RPS6KA3: variants seen among roughly 807,000 people sequenced by gnomAD.
RPS6KA3 encodes ribosomal protein S6 kinase A3, also known as ribosomal protein S6 kinase alpha-3.
In RPS6KA3, 4 loss-of-function variants were observed where a neutral mutation model predicts 67.2. The observed-to-expected ratio is 0.06, with a 90% CI of 0.03 to 0.14. The LOEUF (loss-of-function observed/expected upper bound fraction) is 0.14. Among genes scored for constraint, RPS6KA3 ranks in the 10% least tolerant of loss-of-function variants. The pLI, the probability that RPS6KA3 is intolerant of heterozygous loss-of-function variation, is 1.00. For synonymous variants in RPS6KA3, 182 were observed against 183.7 expected, an observed-to-expected ratio of 0.99 and a Z score of 0.07; for missense variants, 204 against 559.0, an observed-to-expected ratio of 0.36 and a Z score of 6.40.
At position 20,155,225 on chromosome X, in the gene RPS6KA3, A is replaced by T. The variant is rs999993308; in HGVS notation, c.*173T>A. On this transcript the variant is annotated 3_prime_UTR_variant, in exon 22 of 22. Transcript: ENST00000379565. ...CTCCAGGAAAATCTAACTTGCTAACAATCATTTAAAGCGAGAAGAGAGGAA... is the reference window on the plus strand; with the variant it reads ...CTCCAGGAAAATCTAACTTGCTAACTATCATTTAAAGCGAGAAGAGAGGAA... 20 of 544,515 alleles carry T rather than the reference A, an allele frequency of 3.7e-5. No individual in the cohort carries two copies. The highest frequency in any genetic ancestry group is 4.2e-4 in the Middle Eastern group (1 of 2,378). 44.9% of individuals were successfully genotyped at this position (544,515 alleles called of 1,213,427 possible). A position where few individuals can be genotyped will look rare whatever the true frequency, so the allele number is the denominator to read the frequency against.
rs1170501771 is a variant in RPS6KA3 at position 20,155,223 on chromosome X, A to G, written c.*175T>C. The stretch of plus-strand genomic sequence containing the variant: ...AGCTCCAGGAAAATCTAACTTGCTA[A>G]CAATCATTTAAAGCGAGAAGAGAGG... On this transcript the variant is annotated 3_prime_UTR_variant, in exon 22 of 22. Transcript: ENST00000379565. 1.9e-5 allele frequency: 10 copies of G among 539,394 alleles called. No homozygotes were observed. The highest frequency in any genetic ancestry group is 2.9e-5 in the Non-Finnish European group (9 of 312,693). 44.5% of individuals were successfully genotyped at this position (539,394 alleles called of 1,213,427 possible).
At chrX:20,236,291 C>T (rs985968793) in intron 1 of RPS6KA3, among the ~76,000 whole-genome samples, 2 of 111,680 alleles carry the variant, frequency 1.8e-5, no homozygotes, top group African/African-American at 3.3e-5. Flanking sequence ...TTAAAAACCA[C>T]AAAAACGGAA....
chrX:20,196,561 G>A (rs2068278254), intron 4 of RPS6KA3, among the ~76,000 whole-genome samples: 1 of 111,713 alleles, frequency 9.0e-6, no homozygotes, highest in African/African-American at 3.3e-5. Context: ...TAGGGTGACT[G>A]CAGATATTTA....
intron 1 of RPS6KA3, among the ~76,000 whole-genome samples, chrX:20,236,313 G>A (rs1448719551): frequency 9.0e-6 from 1 of 111,673 alleles, no homozygotes; most frequent in East Asian, 2.8e-4. Flanking sequence ...TCAGGAACAC[G>A]TAGCTTCTTC....
rs997274234 is a variant in RPS6KA3 at position 20,152,859 on chromosome X, A to T, written c.*2539T>A. 2 of 112,047 alleles carry T rather than the reference A, an allele frequency of 1.8e-5. No homozygotes were observed. Among genetic ancestry groups the T allele is most frequent in the Non-Finnish European group, 3.8e-5 (2 of 53,257 alleles). The allele number at this position is 112,047 out of a possible 1,213,427, so 9.2% of individuals were successfully genotyped here. A position where few individuals can be genotyped will look rare whatever the true frequency, so the allele number is the denominator to read the frequency against. On this transcript the variant is annotated 3_prime_UTR_variant, in exon 22 of 22. Transcript: ENST00000379565. Reference sequence around the variant, plus strand: ...ATAAAAGTTGGCATCACATACCAGTAGAGGACTGCCCAAGAAATATGTAGT... The same window carrying T: ...ATAAAAGTTGGCATCACATACCAGTTGAGGACTGCCCAAGAAATATGTAGT...
intron 1 of RPS6KA3, among the ~76,000 whole-genome samples, chrX:20,262,580 A>C (rs1470974071): frequency 8.9e-6 from 1 of 111,923 alleles, no homozygotes; most frequent in African/African-American, 3.2e-5. Context: ...TGCCAAAATA[A>C]AGCAAAGTTT....
chrX:20,248,895 C>CAT (rs61669423), intron 1 of RPS6KA3, among the ~76,000 whole-genome samples: 3,473 of 111,517 alleles, frequency 0.031, 129 homozygotes, highest in African/African-American at 0.1. Context: ...CATTTGATCA[C>CAT]GTGTGGGTCT....
intron 2 of RPS6KA3, among the ~76,000 whole-genome samples, chrX:20,213,822 C>T (rs1214252189): frequency 9.1e-6 from 1 of 110,304 alleles, no homozygotes; most frequent in Non-Finnish European, 1.9e-5. Flanking sequence ...AGTTGAAAGC[C>T]TATAGACAAC....
Position 20,176,296 on chromosome X carries a change from T to C in RPS6KA3, c.1056A>G (p.Glu352=). The change falls in exon 13 of 22, where the codon GAA becomes GAG. Residue 352 remains glutamate, a synonymous_variant. Coordinates refer to ENST00000379565, the MANE Select transcript of RPS6KA3 (RefSeq NM_004586.3). The part of the protein sequence containing the change: ...PPFKPATGRP[E]DTFYFDPEFT... The stretch of plus-strand genomic sequence containing the variant: ...ACTCAGGATCAAAATAGAATGTATC[T>C]TCAGGCCTGCCCGTTGCAGGTTTAA... The C allele has an allele frequency of 8.3e-7, 1 of 1,204,102 alleles. No individual in the cohort carries two copies. The highest frequency in any genetic ancestry group is 1.1e-6 in the Non-Finnish European group (1 of 888,550).
chrX:20,234,972 T>C (rs1452159434), intron 1 of RPS6KA3, among the ~76,000 whole-genome samples, 158 bp from the exon 2 acceptor site: 2 of 111,946 alleles, frequency 1.8e-5, no homozygotes, highest in Non-Finnish European at 3.8e-5. Context: ...GTTGCTAAAT[T>C]TGCAACAGGA....
At chrX:20,161,572 G>C in intron 20 of RPS6KA3, 72 bp downstream of exon 20, 1 of 452,456 alleles carries the variant, frequency 2.2e-6, no homozygotes, top group Middle Eastern at 4.0e-4. Context: ...TTTCTAACTG[G>C]TAGTATTTCT....
chrX:20,186,231 A>G (rs1307045370), intron 10 of RPS6KA3, 65 bp downstream of exon 10: 2 of 775,068 alleles, frequency 2.6e-6, no homozygotes, highest in African/African-American at 4.2e-5. Flanking sequence ...CATGAGCCAC[A>G]GCGCCCAGCC....
intron 7 of RPS6KA3, among the ~76,000 whole-genome samples, chrX:20,191,851 C>G (rs1208115565): frequency 1.8e-5 from 2 of 110,925 alleles, no homozygotes; most frequent in Non-Finnish European, 3.8e-5. Flanking sequence ...ACTGCAACCT[C>G]CACCTCCCGG....
At chrX:20,201,105 T>TAGC (rs1165939177) in intron 4 of RPS6KA3, among the ~76,000 whole-genome samples, 6 of 111,922 alleles carry the variant, frequency 5.4e-5, no homozygotes, top group Non-Finnish European at 1.1e-4. Context: ...CAGGTTAATG[T>TAGC]AGCAGCAATA....
intron 2 of RPS6KA3, among the ~76,000 whole-genome samples, chrX:20,219,943 G>A (rs1374148461): frequency 9.0e-6 from 1 of 111,346 alleles, no homozygotes; most frequent in Non-Finnish European, 1.9e-5. Flanking sequence ...ATAAAAGCAC[G>A]GAATTTTCAA....
At position 20,151,562 on chromosome X, in the gene RPS6KA3, GA is replaced by G. The variant is rs1378578277; in HGVS notation, c.*3835del. The G allele has an allele frequency of 6.2e-5, 7 of 112,437 alleles. No homozygotes were observed. Among genetic ancestry groups the G allele is most frequent in the Non-Finnish European group, 1.3e-4 (7 of 53,241 alleles). 9.3% of individuals were successfully genotyped at this position (112,437 alleles called of 1,213,427 possible). A position where few individuals can be genotyped will look rare whatever the true frequency, so the allele number is the denominator to read the frequency against. ...GGTTTAAGCACCAAGGTCAGCCATG[GA>G]ATCCATCATATTTGTTAATCTGAGA... On this transcript the variant is annotated 3_prime_UTR_variant, in exon 22 of 22. Coordinates refer to ENST00000379565, the MANE Select transcript of RPS6KA3 (RefSeq NM_004586.3).
At chrX:20,258,084 A>G (rs2070122230) in intron 1 of RPS6KA3, among the ~76,000 whole-genome samples, 1 of 112,427 alleles carries the variant, frequency 8.9e-6, no homozygotes, top group South Asian at 3.6e-4. Context: ...TACAAGGTAG[A>G]AATGAAAAAA....
In RPS6KA3 at chrX:20,161,681, C is replaced by T. The variant is rs1464801825; in HGVS notation, c.1922G>A (p.Ser641Asn). ...TGAAACAGAATTCCAGTAACCACCA[C>T]TGAGTGAGAATTTTCCGCTACCTAT... ...ARIGSGKFSLSGGYWNSVSDT... is the reference protein window; with the variant it reads ...ARIGSGKFSLNGGYWNSVSDT... Residue 641 changes from serine to asparagine, a missense_variant, in exon 20 of 22, where the codon AGT becomes AAT. Ser to Asn is a conservative substitution (Grantham distance 46). This residue lies in a region of RPS6KA3 where 73 missense variants were observed against 241.1 expected (regional missense o/e 0.30). Transcript: ENST00000379565. The T allele has an allele frequency of 4.3e-6, 5 of 1,168,141 alleles. No homozygotes were observed. Among genetic ancestry groups the T allele is most frequent in the Non-Finnish European group, 5.8e-6 (5 of 866,281 alleles).
chrX:20,251,358 T>C (rs2069859301), intron 1 of RPS6KA3, among the ~76,000 whole-genome samples: 1 of 112,719 alleles, frequency 8.9e-6, no homozygotes, highest in Non-Finnish European at 1.9e-5. Flanking sequence ...CCCAAGCCGA[T>C]CTCGAACTCC....
Sources: allele counts gnomAD v4.1 joint callset (sites outside exome capture counted in the v4.1 genomes callset), GRCh38; gene constraint gnomAD v4.1.1; regional missense constraint gnomAD v4.1.1; transcripts MANE v1.5; gene names NCBI Gene and HGNC (gene_info 2026-07-23, HGNC 2026-07-21).